ZNF880: variants seen among roughly 807,000 people sequenced by gnomAD.
ZNF880 encodes the protein zinc finger protein 880, also known as zinc finger protein LOC400713.
ZNF880 carries 12 observed loss-of-function variants against 11.8 expected under a neutral mutation model. The observed-to-expected ratio is 1.02, with a 90% CI of 0.65 to 1.65. The LOEUF (loss-of-function observed/expected upper bound fraction) is 1.65, where lower values mean the gene tolerates loss of function less well. Among genes scored for constraint, ZNF880 ranks in the 40% most tolerant of loss-of-function variants. The pLI, the probability that ZNF880 is intolerant of heterozygous loss-of-function variation, is 0.00. For synonymous variants in ZNF880, 210 were observed against 232.4 expected, an observed-to-expected ratio of 0.90 and a Z score of 0.88; for missense variants, 601 against 673.9, an observed-to-expected ratio of 0.89 and a Z score of 1.20.
chr19:52,388,209 G>GA (rs1490911268), downstream of ZNF880, among the ~76,000 whole-genome samples: 1 of 145,950 alleles, frequency 6.9e-6, no homozygotes, highest in Non-Finnish European at 1.5e-5. Context: ...CATAGAATGG[G>GA]AGTTTTTTTT....
chr19:52,385,974 G>C (rs924354230), downstream of ZNF880, among the ~76,000 whole-genome samples: 1 of 142,446 alleles, frequency 7.0e-6, no homozygotes, highest in Non-Finnish European at 1.5e-5. Context: ...AGGAGATCAA[G>C]ACCATCCTGG....
In ZNF880 at chr19:52,384,788, C is replaced by A. The variant is rs373891575; in HGVS notation, c.1208C>A (p.Thr403Lys). Reference sequence around the variant, plus strand: ...CTAACCAATCATCATAGAATGCACACGGGAGAGCAACCTTACAAATGTAAT... The same window carrying A: ...CTAACCAATCATCATAGAATGCACAAGGGAGAGCAACCTTACAAATGTAAT... ...FCLTNHHRMHTGEQPYKCNEC... is the reference protein window; with the variant it reads ...FCLTNHHRMHKGEQPYKCNEC... The change falls in exon 4 of 4, where the codon ACG becomes AAG. Residue 403 changes from threonine (T) to lysine (K), a missense_variant. Transcript: ENST00000422689. 6.2e-7 allele frequency: 1 copy of A among 1,610,584 alleles called. No individual in the cohort carries two copies. Among genetic ancestry groups the A allele is most frequent in the Admixed American group, 1.7e-5 (1 of 59,776 alleles).
rs1986776526 is a variant in ZNF880, at chr19:52,384,003, C to G, written c.423C>G (p.Ser141=). ...ATGTCGAAAAACCTATCAACAATTCCTTAGTTTCACCACTTCAAAAAATTT... is the reference window on the plus strand; with the variant it reads ...ATGTCGAAAAACCTATCAACAATTCGTTAGTTTCACCACTTCAAAAAATTT... ...CKHVEKPINN[S]LVSPLQKIYS... The change falls in exon 4 of 4, where the codon TCC becomes TCG. Residue 141 remains serine (S), a synonymous_variant. Transcript: ENST00000422689. 2 of 1,469,762 alleles carry G rather than the reference C, an allele frequency of 1.4e-6. No individual in the cohort carries two copies. The highest frequency in any genetic ancestry group is 5.0e-5 in the East Asian group (2 of 40,294). 91.0% of individuals were successfully genotyped at this position (1,469,762 alleles called of 1,614,324 possible). A position where few individuals can be genotyped will look rare whatever the true frequency, so the allele number is the denominator to read the frequency against.
downstream of ZNF880, chr19:52,390,187 T>G (rs1599795051): frequency 1.2e-5 from 2 of 172,316 alleles, no homozygotes; most frequent in Non-Finnish European, 1.3e-5. Context: ...TATCGCGGAG[T>G]TTTCCTGCCT....
intron 1 of ZNF880, 133 bp downstream of exon 1, chr19:52,370,110 C>T: frequency 8.3e-7 from 1 of 1,204,508 alleles, no homozygotes; most frequent in South Asian, 1.3e-5. Context: ...CTCAGACGTT[C>T]TAATGAGAGT....
the ZNF880 span, among the ~76,000 whole-genome samples, chr19:52,395,107 T>C: frequency 1.3e-5 from 2 of 152,136 alleles, no homozygotes; most frequent in Admixed American, 6.5e-5. Context: ...ACAACCAACA[T>C]ATTTTCTGTT....
At chr19:52,392,002 C>G in the ZNF880 span, among the ~76,000 whole-genome samples, 13 of 152,300 alleles carry the variant, frequency 8.5e-5, no homozygotes, top group African/African-American at 3.1e-4. Flanking sequence ...ACTGGGTGTT[C>G]TCTAATTGAA....
Position 52,373,669 on chromosome 19 carries a change from A to ATTCT in ZNF880, c.139+434_139+435insCTTT, listed in dbSNP as rs1986461292. ...GGATGAATTCATGTGAAATACTGTA[A>ATTCT]TTTTTTTTTTTTTTTTTTTTTTTGA... On this transcript the variant is annotated intron_variant, in intron 2 of 3. Transcript: ENST00000422689. 4.6e-4 allele frequency among the ~76,000 whole-genome samples: 47 copies of ATTCT among 102,562 alleles called. 1 individual carries two copies. Among genetic ancestry groups the ATTCT allele is most frequent in the African/African-American group, 1.8e-3 (47 of 26,078 alleles). 67.3% of individuals were successfully genotyped at this position (102,562 alleles called of 152,430 possible).
the ZNF880 span, chr19:52,396,222 G>T: frequency 6.7e-6 from 1 of 149,160 alleles, no homozygotes; most frequent in Non-Finnish European, 1.5e-5. Flanking sequence ...TGCCCTCCTC[G>T]GCCTCCCAAA....
chr19:52,389,603 G>A (rs1048991922), downstream of ZNF880: 3 of 152,290 alleles, frequency 2.0e-5, no homozygotes, highest in Admixed American at 2.0e-4. Context: ...CTGGTGTTGT[G>A]TCTGCTACTT....
chr19:52,395,543 C>G, the ZNF880 span: 6 of 152,324 alleles, frequency 3.9e-5, no homozygotes, highest in East Asian at 9.6e-4. Flanking sequence ...GATAATCTCA[C>G]GGACACACAG....
chr19:52,377,369 A>G (rs1986585211), intron 3 of ZNF880, among the ~76,000 whole-genome samples: 1 of 152,142 alleles, frequency 6.6e-6, no homozygotes, highest in African/African-American at 2.4e-5. Flanking sequence ...CACTCAGCAG[A>G]GAGCGCTTCA....
chr19:52,367,091 G>T, upstream of ZNF880: 2 of 270,208 alleles, frequency 7.4e-6, no homozygotes, highest in Admixed American at 5.0e-5. Context: ...TACTTCTCAT[G>T]TTTTAAGTAA....
the ZNF880 span, among the ~76,000 whole-genome samples, chr19:52,391,809 A>G: frequency 6.6e-6 from 1 of 152,174 alleles, no homozygotes; most frequent in Non-Finnish European, 1.5e-5. Context: ...GGTATGGGTC[A>G]CTATCTTCAC....
At chr19:52,367,938 C>T (rs924983597), upstream of ZNF880, among the ~76,000 whole-genome samples, 5 of 151,846 alleles carry the variant, frequency 3.3e-5, no homozygotes, top group Non-Finnish European at 5.9e-5. Flanking sequence ...TGGTGGCTCA[C>T]GCCTGTAATC....
Position 52,385,213 on chromosome 19 carries a change from G to A in ZNF880, c.1633G>A (p.Glu545Lys), listed in dbSNP as rs1169112403. The change falls in exon 4 of 4, where the codon GAG (glutamate) becomes AAG (lysine). Residue 545 changes from glutamate to lysine, a missense_variant. Transcript: ENST00000422689. ...AAAACATGAGAGAATTCATACTGGG[G>A]AGAAACCGTACAGATGTCATGAATG... ...LKKHERIHTG[E>K]KPYRCHECGK... is the part of the protein sequence containing the mutation. The A allele has an allele frequency of 1.9e-6, 3 of 1,551,888 alleles. No individual in the cohort carries two copies. The highest frequency in any genetic ancestry group is 1.7e-4 in the Middle Eastern group (1 of 5,992).
intron 1 of ZNF880, 57 bp from the exon 2 acceptor site, chr19:52,373,054 C>A (rs1219928590): frequency 5.7e-6 from 9 of 1,577,764 alleles, no homozygotes; most frequent in Admixed American, 1.7e-5. Flanking sequence ...TCAGTCCTTA[C>A]AACTGTCTCC....
At chr19:52,382,547 A>G (rs1186968235) in intron 3 of ZNF880, among the ~76,000 whole-genome samples, 2 of 152,164 alleles carry the variant, frequency 1.3e-5, no homozygotes, top group Non-Finnish European at 2.9e-5. Context: ...GTTACTAAAT[A>G]TAGTATTCTT....
intron 3 of ZNF880, among the ~76,000 whole-genome samples, chr19:52,378,645 C>CAA (rs3070397): frequency 2.2e-4 from 19 of 85,090 alleles, no homozygotes; most frequent in East Asian, 3.4e-4. Flanking sequence ...GACTCTGTCT[C>CAA]AAAAAAAAAA....
Sources: allele counts gnomAD v4.1 joint callset (sites outside exome capture counted in the v4.1 genomes callset), GRCh38; gene constraint gnomAD v4.1.1; transcripts MANE v1.5; gene names NCBI Gene and HGNC (gene_info 2026-07-23, HGNC 2026-07-21).